Variants in DGKG observed in about 807,000 individuals in gnomAD.
The protein encoded by DGKG is diacylglycerol kinase gamma.
DGKG carries 78 observed loss-of-function variants against 105.3 expected under a neutral mutation model. That is an observed-to-expected ratio of 0.74 (90% CI 0.62 to 0.89). The LOEUF is 0.89. Ranked by LOEUF, DGKG falls within the 40% of genes least tolerant of loss-of-function variation. The pLI is 0.00. For synonymous variants in DGKG, 346 were observed against 367.1 expected, an observed-to-expected ratio of 0.94 and a Z score of 0.66; for missense variants, 958 against 1,020.1, an observed-to-expected ratio of 0.94 and a Z score of 0.83.
At chr3:186,342,690 A>T (rs57318680) in intron 1 of DGKG, among the ~76,000 whole-genome samples, 11,059 of 152,110 alleles carry the variant, frequency 0.073, 1,306 homozygotes, top group African/African-American at 0.25. Context: ...AGCTCAGAAG[A>T]CATGATTGTC....
At chr3:186,207,215 T>C (rs1718789786) in intron 21 of DGKG, among the ~76,000 whole-genome samples, 2 of 152,198 alleles carry the variant, frequency 1.3e-5, no homozygotes, top group Non-Finnish European at 2.9e-5. Context: ...TGGAAAAAAT[T>C]ATTTCCTGCT....
chr3:186,238,964 T>G (rs1387490915), intron 20 of DGKG, among the ~76,000 whole-genome samples: 1 of 152,174 alleles, frequency 6.6e-6, no homozygotes, highest in Non-Finnish European at 1.5e-5. Context: ...CCTGTGACTT[T>G]TAAACATTTT....
At chr3:186,308,375 T>G (rs1293166134) in intron 2 of DGKG, among the ~76,000 whole-genome samples, 2 of 152,294 alleles carry the variant, frequency 1.3e-5, no homozygotes, top group East Asian at 3.9e-4. Flanking sequence ...TATCCCTCTC[T>G]TCCAATATTG....
rs997712938 is a variant in DGKG at position 186,158,352 on chromosome 3, G to A, written c.2277+3251C>T. On this transcript the variant is annotated intron_variant, in intron 24 of 24. Coordinates refer to ENST00000265022, the MANE Select transcript of DGKG (RefSeq NM_001346.3). ...GCTATATTCTATAATTTTTAAACTG[G>A]AGCCTTCTTATTTTTGTAATTTTTT... The A allele has an allele frequency of 6.2e-6, 6 of 971,246 alleles. No homozygotes were observed. In the African/African-American group the frequency reaches 1.1e-4, roughly 17 times the overall value. 60.2% of individuals were successfully genotyped at this position (971,246 alleles called of 1,614,324 possible).
chr3:186,237,356 C>T (rs1002727901), intron 20 of DGKG, among the ~76,000 whole-genome samples: 5 of 152,118 alleles, frequency 3.3e-5, no homozygotes, highest in African/African-American at 1.2e-4. Flanking sequence ...GAAGGGGCCT[C>T]ACATTTTTAA....
chr3:186,155,482 G>A (rs1454508815), intron 24 of DGKG, among the ~76,000 whole-genome samples: 4 of 152,212 alleles, frequency 2.6e-5, no homozygotes, highest in African/African-American at 9.7e-5. Context: ...ATGAGCCACT[G>A]TGCCCAGCTG....
chr3:186,331,297 T>C (rs1725591835), intron 1 of DGKG, among the ~76,000 whole-genome samples: 1 of 152,228 alleles, frequency 6.6e-6, no homozygotes, highest in Non-Finnish European at 1.5e-5. Flanking sequence ...GTGGGGGCTG[T>C]AGCTGCTGAG....
chr3:186,160,087 T>C (rs555599726), intron 24 of DGKG: 52 of 581,552 alleles, frequency 8.9e-5, no homozygotes, highest in Non-Finnish European at 1.1e-4. Flanking sequence ...TATTCTATTA[T>C]GGCACTCAAA....
chr3:186,310,290 C>CAAAAAAAA (rs886723244), intron 2 of DGKG, among the ~76,000 whole-genome samples: 6 of 69,812 alleles, frequency 8.6e-5, no homozygotes, highest in East Asian at 3.4e-4. Flanking sequence ...AAAAAAAAAA[C>CAAAAAAAA]CACACACACA....
intron 17 of DGKG, among the ~76,000 whole-genome samples, chr3:186,254,188 A>C (rs1167752404): frequency 6.6e-6 from 1 of 152,164 alleles, no homozygotes; most frequent in East Asian, 1.9e-4. Flanking sequence ...CTCAGCACGC[A>C]TGGTGCCCCT....
rs1323116619 is a variant in DGKG at position 186,325,616 on chromosome 3, T to G, written c.-248-4909A>C. Among the ~76,000 whole-genome samples, 54 of 152,112 alleles carry G rather than the reference T, an allele frequency of 3.6e-4. 1 individual carries two copies. Among genetic ancestry groups the G allele is most frequent in the Admixed American group, 3.5e-3 (54 of 15,268 alleles). On this transcript the variant is annotated intron_variant, in intron 1 of 24. Coordinates refer to ENST00000265022, the MANE Select transcript of DGKG (RefSeq NM_001346.3). ...AATTCCATCATTCCCTTTATATTTG[T>G]TAGTTAGGAGTCTATTGTAAGTAAG...
chr3:186,278,520 G>A (rs1722688420), intron 9 of DGKG, among the ~76,000 whole-genome samples: 1 of 152,138 alleles, frequency 6.6e-6, no homozygotes, highest in African/African-American at 2.4e-5. Flanking sequence ...GTCTCAGTTT[G>A]TAAAAGAAAG....
At chr3:186,215,956 G>T (rs1719267416) in intron 20 of DGKG, among the ~76,000 whole-genome samples, 1 of 151,348 alleles carries the variant, frequency 6.6e-6, no homozygotes, top group Non-Finnish European at 1.5e-5. Flanking sequence ...TTGGAGATAA[G>T]TGATGAATAA....
At position 186,149,008 on chromosome 3, in the gene DGKG, G is replaced by GCACA. The variant is rs770045630; in HGVS notation, c.*1078_*1081dup. 1.5e-5 allele frequency: 12 copies of GCACA among 802,886 alleles called. No individual in the cohort carries two copies. The highest frequency in any genetic ancestry group is 6.1e-5 in the African/African-American group (3 of 49,410). The allele number at this position is 802,886 out of a possible 1,614,324, so 49.7% of individuals were successfully genotyped here. ...ATAGGCTAAATATATATATATACAC[G>GCACA]CACACACACACACACACGCGCGCAC... On this transcript the variant is annotated 3_prime_UTR_variant, in exon 25 of 25. Transcript: ENST00000265022.
Position 186,148,549 on chromosome 3 carries a change from T to A in DGKG, c.*1541A>T, listed in dbSNP as rs989841044. On this transcript the variant is annotated 3_prime_UTR_variant, in exon 25 of 25. Transcript: ENST00000265022. ...CAACCTGGATCCAAGTGGACTCACT[T>A]TTCAGTGACCAGAAATGACCCTACT... is the stretch of plus-strand genomic sequence containing the variant. 4 of 985,294 alleles carry A rather than the reference T, an allele frequency of 4.1e-6. No individual in the cohort carries two copies. Among genetic ancestry groups the A allele is most frequent in the Non-Finnish European group, 4.8e-6 (4 of 829,920 alleles). 61.0% of individuals were successfully genotyped at this position (985,294 alleles called of 1,614,324 possible).
intron 24 of DGKG, among the ~76,000 whole-genome samples, chr3:186,156,780 T>G (rs1366293948): frequency 6.6e-6 from 1 of 152,090 alleles, no homozygotes. Context: ...TTTAATTATA[T>G]CCTTTGAATT....
At chr3:186,265,447 G>C in intron 13 of DGKG, 141 bp from the exon 14 acceptor site, 1 of 732,300 alleles carries the variant, frequency 1.4e-6, no homozygotes. Context: ...TTTCAACATA[G>C]GGCTTCTGAC....
At chr3:186,319,812 G>A (rs960619748) in intron 2 of DGKG, among the ~76,000 whole-genome samples, 1 of 152,164 alleles carries the variant, frequency 6.6e-6, no homozygotes, top group Non-Finnish European at 1.5e-5. Context: ...CACAACTAAT[G>A]GGAAACCAAG....
chr3:186,220,046 A>G (rs920889597), intron 20 of DGKG, among the ~76,000 whole-genome samples: 1 of 152,354 alleles, frequency 6.6e-6, no homozygotes, highest in Middle Eastern at 3.4e-3. Context: ...CATAATAAAG[A>G]CAGCATAGGC....
Sources: gnomAD v4.1 joint callset for allele counts (sites outside exome capture counted in the v4.1 genomes callset) on GRCh38, gnomAD v4.1.1 for gene constraint, MANE v1.5 for transcripts, NCBI Gene and HGNC (gene_info 2026-07-23, HGNC 2026-07-21) for gene names.